APC: variants seen among roughly 807,000 people sequenced by gnomAD.
APC encodes APC regulator of Wnt signaling pathway, also known as adenomatous polyposis coli protein.
Under a neutral mutation model 247.0 loss-of-function variants are expected in APC, and 72 were observed. The observed-to-expected ratio is 0.29, with a 90% CI of 0.24 to 0.35. The LOEUF is 0.35. Ranked by LOEUF, APC falls within the 10% of genes least tolerant of loss-of-function variation. The pLI, the probability that APC is intolerant of heterozygous loss-of-function variation, is 1.00. For synonymous variants in APC, 1,254 were observed against 1,162.5 expected (o/e 1.08, Z -1.60); for missense variants, 3,400 against 3,360.7 (o/e 1.01, Z -0.29).
chr5:112,762,909 A>T (rs1001791985), intron 2 of APC, among the ~76,000 whole-genome samples: 5 of 152,202 alleles, frequency 3.3e-5, no homozygotes, highest in Non-Finnish European at 7.3e-5. Context: ...TAAATAATGT[A>T]GGTCATATTG....
intron 1 of APC, among the ~76,000 whole-genome samples, chr5:112,710,668 A>G (rs1367048889): frequency 6.6e-6 from 1 of 152,194 alleles, no homozygotes; most frequent in African/African-American, 2.4e-5. Flanking sequence ...TTTTCTTTAA[A>G]GACTTATTCT....
chr5:112,761,450 CAAAT>C (rs997840835), intron 2 of APC, among the ~76,000 whole-genome samples: 3 of 151,794 alleles, frequency 2.0e-5, no homozygotes, highest in Non-Finnish European at 2.9e-5. Context: ...TAAAAGGAAT[CAAAT>C]AGATATTCTA....
chr5:112,815,595 T>C lies in APC; in HGVS notation c.933+2T>C, dbSNP rs1057517559. 1 of 1,608,192 alleles carries C rather than the reference T, an allele frequency of 6.2e-7. No homozygotes were observed. On this transcript the variant is annotated splice_donor_variant, in intron 9 of 15. Coordinates refer to ENST00000257430, the MANE Select transcript of APC (RefSeq NM_000038.6). LOFTEE classifies it high-confidence loss of function. ...CTGACAAGTCATCTGGGAACCAAGG[T>C]AACAGAAGATTACAAACCCTGGTCA...
intron 5 of APC, among the ~76,000 whole-genome samples, chr5:112,780,220 C>T (rs904738456): frequency 1.3e-5 from 2 of 152,118 alleles, no homozygotes; most frequent in East Asian, 3.8e-4. Flanking sequence ...TGAATTTTTA[C>T]CAAAGTCTGT....
intron 2 of APC, among the ~76,000 whole-genome samples, chr5:112,760,458 G>A (rs1655066713): frequency 6.6e-6 from 1 of 152,194 alleles, no homozygotes; most frequent in Non-Finnish European, 1.5e-5. Flanking sequence ...ATTTTGTAGA[G>A]CAGGAGATTA....
intron 1 of APC, among the ~76,000 whole-genome samples, chr5:112,713,043 C>G (rs367824502): frequency 6.6e-6 from 1 of 151,826 alleles, no homozygotes; most frequent in African/African-American, 2.4e-5. Context: ...TGGTGGCAGG[C>G]GCCTGTAATC....
chr5:112,767,529 G>A (rs1458208301), intron 4 of APC, 139 bp downstream of exon 4: 6 of 667,596 alleles, frequency 9.0e-6, no homozygotes, highest in South Asian at 2.1e-5. Context: ...CTCAAAGATA[G>A]CATGTTATTG....
chr5:112,839,764 C>T lies in APC; in HGVS notation c.4170C>T (p.Val1390=), dbSNP rs876659338. 2 of 1,614,120 alleles carry T rather than the reference C, an allele frequency of 1.2e-6. No homozygotes were observed. The highest frequency in any genetic ancestry group is 1.7e-6 in the Non-Finnish European group (2 of 1,180,022). ...TPLMFSRCTS[V]SSLDSFESRS... is the part of the protein sequence containing the mutation. ...TCATGTTTAGCAGATGTACTTCTGT[C>T]AGTTCACTTGATAGTTTTGAGAGTC... Residue 1390 remains valine (V), a synonymous_variant, in exon 16 of 16, where the codon GTC becomes GTT. Transcript: ENST00000257430. This position sits in a 1 kb window ranked among gnomAD's most constrained non-coding sequence, Gnocchi z 5.0.
chr5:112,817,165 C>T (rs754506643), intron 9 of APC, among the ~76,000 whole-genome samples: 17 of 152,072 alleles, frequency 1.1e-4, no homozygotes, highest in African/African-American at 2.7e-4. Flanking sequence ...TGACCACACC[C>T]GGCCCATCAG....
At chr5:112,782,276 C>T (rs2431511) in intron 6 of APC, among the ~76,000 whole-genome samples, 10,107 of 152,162 alleles carry the variant, frequency 0.066, 407 homozygotes, top group Middle Eastern at 0.14. Context: ...AAGAACAGCA[C>T]AGGAGAGACC....
intron 15 of APC, among the ~76,000 whole-genome samples, chr5:112,835,432 TAACAA>T (rs1306130400): frequency 6.6e-6 from 1 of 152,102 alleles, no homozygotes; most frequent in Non-Finnish European, 1.5e-5. Flanking sequence ...ACAAATATTG[TAACAA>T]AATAATCCAT....
Position 112,840,504 on chromosome 5 carries a change from A to T in APC, c.4910A>T (p.Asp1637Val). The change falls in exon 16 of 16, where the codon GAT becomes GTT. Residue 1637 changes from aspartate to valine, a missense_variant. Asp to Val is a radical substitution (Grantham distance 152). This residue lies in a region of APC where 1,788 missense variants were observed against 1,649.5 expected (regional missense o/e 1.08). Transcript: ENST00000257430. This position sits in a 1 kb window ranked among gnomAD's most constrained non-coding sequence, Gnocchi z 4.1. ...CATGTTAGTTTTACACCGGGGGATG[A>T]TATGCCACGGGTGTATTGTGTTGAA... ...QKHVSFTPGD[D>V]MPRVYCVEGT... The T allele has an allele frequency of 1.2e-6, 2 of 1,614,164 alleles. No homozygotes were observed. The highest frequency in any genetic ancestry group is 1.7e-6 in the Non-Finnish European group (2 of 1,180,010).
Position 112,840,399 on chromosome 5 carries a change from C to A in APC, c.4805C>A (p.Pro1602His), listed in dbSNP as rs1580652844. ...KKPAQTASKL[P>H]PPVARKPSQL... Reference sequence around the variant, plus strand: ...CCAGCCCAGACTGCTTCAAAATTACCTCCACCTGTGGCAAGGAAACCAAGT... The same window carrying A: ...CCAGCCCAGACTGCTTCAAAATTACATCCACCTGTGGCAAGGAAACCAAGT... The change falls in exon 16 of 16, where the codon CCT (proline) becomes CAT (histidine). Residue 1602 changes from proline (P) to histidine (H), a missense_variant. By Grantham distance (77) the Pro-to-His change is moderately conservative. Around this residue, in one of 9 missense-constraint regions of APC, gnomAD observed 1,788 missense variants for 1,649.5 expected, o/e 1.08. Transcript: ENST00000257430. The surrounding 1 kb of genome is among the most constrained non-coding windows in gnomAD (Gnocchi z 4.1). 3.7e-6 allele frequency: 6 copies of A among 1,614,216 alleles called. No individual in the cohort carries two copies. In the East Asian group the frequency reaches 1.3e-4, roughly 36 times the overall value.
intron 7 of APC, among the ~76,000 whole-genome samples, chr5:112,795,162 G>A (rs1760071870): frequency 6.6e-6 from 1 of 152,294 alleles, no homozygotes; most frequent in South Asian, 2.1e-4. Flanking sequence ...TAGTAGCTGG[G>A]ATTGTAGGTG....
intron 1 of APC, among the ~76,000 whole-genome samples, chr5:112,746,789 T>G (rs1267170892): frequency 6.6e-6 from 1 of 152,168 alleles, no homozygotes; most frequent in Admixed American, 6.5e-5. Context: ...ATTTTAAAGT[T>G]TCAAGCTAAC....
In APC at chr5:112,763,850, G is replaced by A. The variant is rs531101895; in HGVS notation, c.136-2476G>A. Among the ~76,000 whole-genome samples, 230 of 152,280 alleles carry A rather than the reference G, an allele frequency of 1.5e-3. 7 individuals are homozygous for A. In the South Asian group the frequency reaches 0.046, roughly 31 times the overall value. ...GCCTCTACCCCAGGCTTACTGAATC[G>A]ACAGTCTATGTTTTAACAAGGTCTT... On this transcript the variant is annotated intron_variant, in intron 2 of 15. Transcript: ENST00000257430.
At chr5:112,730,934 G>A (rs527427637) in intron 1 of APC, among the ~76,000 whole-genome samples, 55 of 151,796 alleles carry the variant, frequency 3.6e-4, no homozygotes, top group African/African-American at 1.2e-3. Flanking sequence ...TTCCTAGGGA[G>A]GAAACATGAT....
intron 1 of APC, among the ~76,000 whole-genome samples, chr5:112,714,619 A>G (rs755012468): frequency 9.9e-5 from 15 of 152,234 alleles, no homozygotes; most frequent in Non-Finnish European, 1.9e-4. Context: ...TAGTACTTTC[A>G]GACTTCATAT....
chr5:112,816,236 C>G (rs1272599153), intron 9 of APC, among the ~76,000 whole-genome samples: 1 of 152,222 alleles, frequency 6.6e-6, no homozygotes, highest in Non-Finnish European at 1.5e-5. Flanking sequence ...CCAAGGTCCT[C>G]TTACCTCCCC....
Sources: gnomAD v4.1 joint callset for allele counts (sites outside exome capture counted in the v4.1 genomes callset) on GRCh38, gnomAD v4.1.1 for gene constraint, gnomAD v4.1.1 regional missense constraint, Gnocchi (gnomAD v3.1) non-coding constraint, MANE v1.5 for transcripts, NCBI Gene and HGNC (gene_info 2026-07-23, HGNC 2026-07-21) for gene names.